ZFYVE9: variants seen among roughly 807,000 people sequenced by gnomAD.
ZFYVE9 encodes the protein zinc finger FYVE domain-containing protein 9.
In ZFYVE9, 43 loss-of-function variants were observed where a neutral mutation model predicts 126.7. The observed-to-expected ratio is 0.34, with a 90% CI of 0.27 to 0.44. The LOEUF (loss-of-function observed/expected upper bound fraction) is 0.44. Among genes scored for constraint, ZFYVE9 ranks in the 20% least tolerant of loss-of-function variants. ZFYVE9 has a pLI of 1.00. For missense variants in ZFYVE9, 1,476 were observed against 1,697.0 expected (o/e 0.87, Z 2.29); for synonymous variants, 521 against 597.4 (o/e 0.87, Z 1.87).
chr1:52,151,019 C>T (rs1208591853), intron 1 of ZFYVE9, among the ~76,000 whole-genome samples: 2 of 148,422 alleles, frequency 1.3e-5, no homozygotes, highest in African/African-American at 2.5e-5. Flanking sequence ...TAGTAGTAGC[C>T]GAGGTAAATT....
intron 13 of ZFYVE9, among the ~76,000 whole-genome samples, chr1:52,331,441 C>T (rs1646339506): frequency 6.7e-6 from 1 of 148,288 alleles, no homozygotes; most frequent in South Asian, 2.2e-4. Flanking sequence ...TAGTGAGATC[C>T]CTGTCTCTTA....
chr1:52,327,866 T>C (rs1331167193), intron 13 of ZFYVE9, among the ~76,000 whole-genome samples: 1 of 149,394 alleles, frequency 6.7e-6, no homozygotes. Context: ...CCCAGCTACT[T>C]GGGATGCTGA....
In ZFYVE9 at chr1:52,153,592, G is replaced by A. The variant is rs140198430; in HGVS notation, c.-143+11189G>A. Among the ~76,000 whole-genome samples, 45 of 152,250 alleles carry A rather than the reference G, an allele frequency of 3.0e-4. No homozygotes were observed. In the East Asian group the frequency reaches 8.1e-3, roughly 27 times the overall value. On this transcript the variant is annotated intron_variant, in intron 1 of 18. Coordinates refer to ENST00000287727, the MANE Select transcript of ZFYVE9 (RefSeq NM_004799.4). ...TTCTTTCTTGTTCCCTTTGTGTAACGGCAGCCCTACTTCCTCCTGAGGATG... is the reference window on the plus strand; with the variant it reads ...TTCTTTCTTGTTCCCTTTGTGTAACAGCAGCCCTACTTCCTCCTGAGGATG...
chr1:52,213,008 A>G (rs1378939242), intron 1 of ZFYVE9, among the ~76,000 whole-genome samples: 1 of 152,216 alleles, frequency 6.6e-6, no homozygotes, highest in Non-Finnish European at 1.5e-5. Flanking sequence ...ATACCTATCC[A>G]TCTATCCATT....
At chr1:52,278,718 TC>T (rs1645772859) in intron 9 of ZFYVE9, 104 bp downstream of exon 9, 6 of 776,592 alleles carry the variant, frequency 7.7e-6, no homozygotes, top group Admixed American at 3.5e-5. Context: ...TAGAGCCACA[TC>T]TTTTTTTTTT....
In ZFYVE9 at chr1:52,237,940, C is replaced by G. The variant is rs779975324; in HGVS notation, c.523C>G (p.Gln175Glu). 9.9e-6 allele frequency: 16 copies of G among 1,613,884 alleles called. No homozygotes were observed. The highest frequency in any genetic ancestry group is 3.3e-5 in the Admixed American group (2 of 59,976). ...ACAGGATTGTAATAATTATAATAGT[C>G]AATCCCTTATGGATGCTTTTAGCTG... The part of the protein sequence containing the change: ...DLQDCNNYNS[Q>E]SLMDAFSCSL... Residue 175 changes from glutamine (Q) to glutamate (E), a missense_variant, in exon 4 of 19, where the codon CAA becomes GAA. Gln to Glu is a conservative substitution (Grantham distance 29, BLOSUM62 2). This residue lies in a region of ZFYVE9 where 807 missense variants were observed against 794.6 expected (regional missense o/e 1.02). Transcript: ENST00000287727.
At chr1:52,222,894 G>A (rs1254888542) in intron 2 of ZFYVE9, among the ~76,000 whole-genome samples, 1 of 152,166 alleles carries the variant, frequency 6.6e-6, no homozygotes, top group African/African-American at 2.4e-5. Flanking sequence ...CCTGCTTTGG[G>A]AATTAATAAG....
chr1:52,187,789 A>G (rs1261092754), intron 1 of ZFYVE9, among the ~76,000 whole-genome samples: 1 of 152,228 alleles, frequency 6.6e-6, no homozygotes, highest in Non-Finnish European at 1.5e-5. Context: ...TATTGTTAAA[A>G]AGTCAATTAA....
intron 1 of ZFYVE9, among the ~76,000 whole-genome samples, chr1:52,216,061 T>G (rs556812183): frequency 6.6e-6 from 1 of 152,256 alleles, no homozygotes; most frequent in East Asian, 1.9e-4. Context: ...TATATACTTA[T>G]GAATTAACAC....
intron 1 of ZFYVE9, among the ~76,000 whole-genome samples, chr1:52,181,692 G>T (rs952194666): frequency 1.3e-5 from 2 of 151,870 alleles, no homozygotes; most frequent in South Asian, 4.2e-4. Flanking sequence ...GTCTCTGCCC[G>T]GCCGCCCATC....
chr1:52,237,345 T>G (rs1191114955), intron 3 of ZFYVE9, 143 bp from the exon 4 acceptor site: 1 of 737,834 alleles, frequency 1.4e-6, no homozygotes, highest in African/African-American at 1.8e-5. Flanking sequence ...GAAATATATT[T>G]TCTTATTTTT....
intron 1 of ZFYVE9, among the ~76,000 whole-genome samples, chr1:52,205,640 T>C (rs1310800905): frequency 6.6e-6 from 1 of 151,912 alleles, no homozygotes; most frequent in Non-Finnish European, 1.5e-5. Context: ...CCCAGAGCAC[T>C]GGGTTACAGG....
chr1:52,252,948 T>C (rs1645466693), intron 4 of ZFYVE9, among the ~76,000 whole-genome samples: 1 of 152,210 alleles, frequency 6.6e-6, no homozygotes, highest in Non-Finnish European at 1.5e-5. Context: ...GTGCGGTGGC[T>C]CACGCCTGTA....
chr1:52,188,655 AT>A (rs1337888096), intron 1 of ZFYVE9, among the ~76,000 whole-genome samples: 11 of 152,258 alleles, frequency 7.2e-5, no homozygotes, highest in African/African-American at 2.4e-4. Context: ...CTGGCTGCTA[AT>A]TTTTCTATCT....
chr1:52,203,251 G>A (rs1343088557), intron 1 of ZFYVE9, among the ~76,000 whole-genome samples: 9 of 151,704 alleles, frequency 5.9e-5, no homozygotes, highest in African/African-American at 9.7e-5. Flanking sequence ...GCCTGATCTC[G>A]GTTAACCTCA....
chr1:52,320,837 A>G (rs12058194), intron 13 of ZFYVE9, among the ~76,000 whole-genome samples: 38 of 152,248 alleles, frequency 2.5e-4, no homozygotes, highest in African/African-American at 8.7e-4. Context: ...TACACTTTAA[A>G]TATGTGTAAT....
intron 13 of ZFYVE9, among the ~76,000 whole-genome samples, chr1:52,326,490 C>T (rs1437417666): frequency 1.3e-5 from 2 of 150,498 alleles, no homozygotes; most frequent in African/African-American, 4.9e-5. Flanking sequence ...TCCTGGGACA[C>T]AGAGAGGTTA....
chr1:52,298,544 A>T (rs1027794578), intron 12 of ZFYVE9, among the ~76,000 whole-genome samples: 1 of 151,982 alleles, frequency 6.6e-6, no homozygotes, highest in African/African-American at 2.4e-5. Context: ...TTTGGTTATT[A>T]TAGTTTTGTA....
At chr1:52,280,993 C>T (rs1276476255) in intron 9 of ZFYVE9, among the ~76,000 whole-genome samples, 1 of 152,020 alleles carries the variant, frequency 6.6e-6, no homozygotes, top group Non-Finnish European at 1.5e-5. Context: ...TCTTCAATCA[C>T]GTTTGGCTTA....
Sources: allele counts gnomAD v4.1 joint callset (sites outside exome capture counted in the v4.1 genomes callset), GRCh38; gene constraint gnomAD v4.1.1; regional missense constraint gnomAD v4.1.1; transcripts MANE v1.5; gene names NCBI Gene and HGNC (gene_info 2026-07-23, HGNC 2026-07-21).